The following STIM1 variants were observed in gnomAD, a reference collection of about 807,000 sequenced individuals.
STIM1 encodes the protein stromal interaction molecule 1.
Under a neutral mutation model 74.7 loss-of-function variants are expected in STIM1, and 25 were observed. The ratio of observed to expected loss-of-function variants is 0.33; its 90% CI spans 0.24 to 0.47. The LOEUF (loss-of-function observed/expected upper bound fraction) is 0.47. Ranked by LOEUF, STIM1 falls within the 20% of genes least tolerant of loss-of-function variation. The pLI is 1.00. For synonymous variants in STIM1, 328 were observed against 348.8 expected (o/e 0.94, Z 0.66); for missense variants, 728 against 920.8 (o/e 0.79, Z 2.71).
In STIM1 at chr11:3,895,712, T is replaced by C. The variant is rs986473869; in HGVS notation, c.139+39303T>C. ...TTTCTTTCTTTCTTTCTTTCTTTCT[T>C]TCTTTCTTTCTTTCTTTCTTTCTTT... On this transcript the variant is annotated intron_variant, in intron 1 of 12. Coordinates refer to ENST00000526596, the MANE Select transcript of STIM1 (RefSeq NM_001382567.1). 1.1e-4 allele frequency among the ~76,000 whole-genome samples: 4 copies of C among 36,792 alleles called. 2 individuals carry two copies. Among genetic ancestry groups the C allele is most frequent in the African/African-American group, 7.3e-4 (4 of 5,452 alleles). 24.1% of individuals were successfully genotyped at this position (36,792 alleles called of 152,430 possible). A position where few individuals can be genotyped will look rare whatever the true frequency, so the allele number is the denominator to read the frequency against.
At chr11:4,074,368 G>A in intron 6 of STIM1, 134 bp from the exon 7 acceptor site, 1 of 1,079,984 alleles carries the variant, frequency 9.3e-7, no homozygotes, top group South Asian at 1.4e-5. Flanking sequence ...CTCAGAGCCA[G>A]ACACACAGCA....
intron 3 of STIM1, among the ~76,000 whole-genome samples, chr11:4,052,547 G>A (rs1033753965): frequency 7.2e-5 from 11 of 152,194 alleles, no homozygotes; most frequent in Non-Finnish European, 1.6e-4. Context: ...GTAGAAAGCT[G>A]AAACTGGATC....
rs10835604 is a variant in STIM1 at position 4,088,479 on chromosome 11, A to T, written c.1634+1936A>T. On this transcript the variant is annotated intron_variant, in intron 12 of 12. Transcript: ENST00000526596. Reference sequence around the variant, plus strand: ...ACTAGGATTATTACTCAGCAGAGCCACTCATATCCATTCTCATTCTCATTT... The same window carrying T: ...ACTAGGATTATTACTCAGCAGAGCCTCTCATATCCATTCTCATTCTCATTT... 156,139 of 508,502 alleles carry T rather than the reference A, an allele frequency of 0.31. 25,921 individuals are homozygous for T. Among genetic ancestry groups the T allele is most frequent in the South Asian group, 0.46 (22,748 of 49,664 alleles). The allele number at this position is 508,502 out of a possible 1,614,324, so 31.5% of individuals were successfully genotyped here.
intron 2 of STIM1, among the ~76,000 whole-genome samples, chr11:4,007,137 G>T (rs902594163): frequency 1.3e-5 from 2 of 152,166 alleles, no homozygotes; most frequent in South Asian, 2.1e-4. Flanking sequence ...TTTTCTGGGC[G>T]CATGGAACTA....
At chr11:3,908,233 T>G (rs954859540) in intron 1 of STIM1, among the ~76,000 whole-genome samples, 10 of 152,190 alleles carry the variant, frequency 6.6e-5, no homozygotes, top group African/African-American at 2.4e-4. Context: ...CCTGGTATAT[T>G]TCTTGATGCT....
intron 2 of STIM1, among the ~76,000 whole-genome samples, chr11:3,997,638 G>A (rs2093675107): frequency 6.6e-6 from 1 of 152,142 alleles, no homozygotes; most frequent in South Asian, 2.1e-4. Flanking sequence ...TTTTAAGTGA[G>A]GGAATAGCAT....
intron 1 of STIM1, among the ~76,000 whole-genome samples, chr11:3,943,972 C>G (rs1448930300): frequency 6.6e-6 from 1 of 152,166 alleles, no homozygotes; most frequent in Non-Finnish European, 1.5e-5. Context: ...AGAAAGTAAA[C>G]TTCTTGAAGG....
intron 12 of STIM1, 101 bp from the exon 13 acceptor site, chr11:4,091,181 T>C (rs1436679491): frequency 6.5e-7 from 1 of 1,546,448 alleles, no homozygotes; most frequent in Non-Finnish European, 8.9e-7. Context: ...TTTCCTACCC[T>C]GTCCTTGTCT....
At chr11:3,877,643 A>C (rs1488841803) in intron 1 of STIM1, among the ~76,000 whole-genome samples, 1 of 152,194 alleles carries the variant, frequency 6.6e-6, no homozygotes, top group East Asian at 1.9e-4. Flanking sequence ...GGTATTTATA[A>C]GTTGACCTTT....
chr11:3,971,076 T>C (rs2093388261), intron 2 of STIM1, among the ~76,000 whole-genome samples: 1 of 152,156 alleles, frequency 6.6e-6, no homozygotes, highest in Non-Finnish European at 1.5e-5. Context: ...TCCATAGATA[T>C]ACAAGATGTA....
At chr11:3,885,788 C>T (rs2091682227) in intron 1 of STIM1, among the ~76,000 whole-genome samples, 2 of 152,158 alleles carry the variant, frequency 1.3e-5, no homozygotes, top group African/African-American at 4.8e-5. Flanking sequence ...CAGGCATGAG[C>T]AACCACACCT....
At chr11:3,918,541 AAAAGAAAGAAAG>A (rs71047189) in intron 1 of STIM1, among the ~76,000 whole-genome samples, 4 of 146,378 alleles carry the variant, frequency 2.7e-5, no homozygotes, top group Admixed American at 2.0e-4. Context: ...CTCAAAAAAA[AAAAGAAAGAAAG>A]AAAGAAAGAA....
chr11:3,964,707 A>T (rs2135725260), intron 1 of STIM1, among the ~76,000 whole-genome samples: 1 of 150,978 alleles, frequency 6.6e-6, no homozygotes, highest in South Asian at 2.1e-4. Context: ...AAAAGATTGG[A>T]TTTCTATCTT....
intron 5 of STIM1, among the ~76,000 whole-genome samples, chr11:4,066,374 T>C (rs1408163779): frequency 6.6e-6 from 1 of 152,184 alleles, no homozygotes. Context: ...CACTTTGTAT[T>C]GTAGCTCCCT....
At chr11:3,961,045 C>G (rs2093279622) in intron 1 of STIM1, among the ~76,000 whole-genome samples, 1 of 152,048 alleles carries the variant, frequency 6.6e-6, no homozygotes, top group South Asian at 2.1e-4. Context: ...CACTGTTGCC[C>G]AGGCTGTAGT....
At chr11:3,901,787 G>C (rs980011440) in intron 1 of STIM1, among the ~76,000 whole-genome samples, 1 of 152,062 alleles carries the variant, frequency 6.6e-6, no homozygotes, top group African/African-American at 2.4e-5. Flanking sequence ...ATAGCATCTC[G>C]CTCTGTTGCC....
intron 1 of STIM1, among the ~76,000 whole-genome samples, chr11:3,919,313 C>A (rs1211429334): frequency 6.6e-6 from 1 of 152,182 alleles, no homozygotes; most frequent in Non-Finnish European, 1.5e-5. Context: ...TCAAGTGATT[C>A]TCCTGCCTCA....
At chr11:4,086,069 A>T (rs901146739) in intron 11 of STIM1, 2 of 178,652 alleles carry the variant, frequency 1.1e-5, no homozygotes, top group African/African-American at 4.8e-5. Context: ...ATAATGATGA[A>T]CATGTTTATG....
chr11:4,090,763 A>G (rs531551590), intron 12 of STIM1, among the ~76,000 whole-genome samples: 4 of 152,320 alleles, frequency 2.6e-5, no homozygotes, highest in African/African-American at 9.6e-5. Context: ...GAAGGCAGAG[A>G]TTTTATTGAG....
Sources: allele counts gnomAD v4.1 joint callset (sites outside exome capture counted in the v4.1 genomes callset), GRCh38; gene constraint gnomAD v4.1.1; transcripts MANE v1.5; gene names NCBI Gene and HGNC (gene_info 2026-07-23, HGNC 2026-07-21).